SLC24A2: variants seen among roughly 807,000 people sequenced by gnomAD.
SLC24A2 encodes the protein solute carrier family 24 member 2, also known as sodium/potassium/calcium exchanger 2.
SLC24A2 carries 36 observed loss-of-function variants against 62.0 expected under a neutral mutation model. The ratio of observed to expected loss-of-function variants is 0.58; its 90% CI spans 0.44 to 0.77. The LOEUF (loss-of-function observed/expected upper bound fraction) is 0.77, where lower values mean the gene tolerates loss of function less well. Ranked by LOEUF, SLC24A2 falls within the 30% of genes least tolerant of loss-of-function variation. The pLI is 0.00. For synonymous variants in SLC24A2, 358 were observed against 294.0 expected, an observed-to-expected ratio of 1.22 and a Z score of -2.23; for missense variants, 846 against 817.9, an observed-to-expected ratio of 1.03 and a Z score of -0.42.
At chr9:19,546,262 C>A (rs112543906) in intron 8 of SLC24A2, among the ~76,000 whole-genome samples, 1 of 152,194 alleles carries the variant, frequency 6.6e-6, no homozygotes, top group African/African-American at 2.4e-5. Context: ...TAGGCAGGGA[C>A]GTTTAAGTCT....
chr9:20,164,918 G>C, the SLC24A2 span, among the ~76,000 whole-genome samples: 2 of 147,384 alleles, frequency 1.4e-5, no homozygotes, highest in African/African-American at 5.0e-5. Flanking sequence ...CTCACTCATA[G>C]GTGGGAATTG....
At chr9:20,150,917 A>G in the SLC24A2 span, among the ~76,000 whole-genome samples, 1 of 151,918 alleles carries the variant, frequency 6.6e-6, no homozygotes, top group Admixed American at 6.6e-5. Flanking sequence ...TATTCCATTG[A>G]CATTTTTATA....
chr9:19,704,951 T>A (rs976101330), intron 2 of SLC24A2, among the ~76,000 whole-genome samples: 29 of 152,206 alleles, frequency 1.9e-4, no homozygotes, highest in African/African-American at 7.0e-4. Context: ...TGGTTGGGAA[T>A]ATTCCAGCAA....
the SLC24A2 span, among the ~76,000 whole-genome samples, chr9:19,816,600 G>A: frequency 6.6e-6 from 1 of 152,068 alleles, no homozygotes; most frequent in Non-Finnish European, 1.5e-5. Flanking sequence ...TCATAGTTCT[G>A]CAGGCTATAT....
the SLC24A2 span, among the ~76,000 whole-genome samples, chr9:20,254,587 G>T: frequency 6.6e-6 from 1 of 152,142 alleles, no homozygotes; most frequent in Non-Finnish European, 1.5e-5. Flanking sequence ...GTGGTGAAGG[G>T]AGGAGAAGGG....
the SLC24A2 span, among the ~76,000 whole-genome samples, chr9:20,123,044 G>A: frequency 6.6e-6 from 1 of 152,052 alleles, no homozygotes; most frequent in East Asian, 1.9e-4. Context: ...TAGACTAGGT[G>A]GCTTATAATA....
chr9:19,790,699 T>C (rs1823307613), upstream of SLC24A2, among the ~76,000 whole-genome samples: 1 of 152,218 alleles, frequency 6.6e-6, no homozygotes, highest in Non-Finnish European at 1.5e-5. Context: ...AAAACAATTG[T>C]GCATTTATTT....
At chr9:19,906,804 T>A in the SLC24A2 span, among the ~76,000 whole-genome samples, 1 of 152,080 alleles carries the variant, frequency 6.6e-6, no homozygotes, top group Non-Finnish European at 1.5e-5. Flanking sequence ...AATAGACCAA[T>A]AACAGGCTCT....
the SLC24A2 span, among the ~76,000 whole-genome samples, chr9:19,821,001 A>T: frequency 6.6e-6 from 1 of 152,160 alleles, no homozygotes; most frequent in Non-Finnish European, 1.5e-5. Context: ...TTGAAAAAAT[A>T]CTTTTATTTC....
intron 2 of SLC24A2, among the ~76,000 whole-genome samples, chr9:19,624,443 T>C (rs1012843639): frequency 1.3e-5 from 2 of 151,818 alleles, no homozygotes; most frequent in African/African-American, 4.8e-5. Context: ...GAAAAAAAAA[T>C]CCAAACCTGT....
chr9:20,056,059 T>C, the SLC24A2 span, among the ~76,000 whole-genome samples: 28 of 152,316 alleles, frequency 1.8e-4, no homozygotes, highest in African/African-American at 6.5e-4. Context: ...CCTAACATGT[T>C]CTAGAAGACA....
Position 19,513,164 on chromosome 9 carries a change from ATATATATATATG to A in SLC24A2, c.*2977_*2988del, listed in dbSNP as rs1407676677. 7.4e-3 allele frequency: 447 copies of A among 60,680 alleles called. 8 individuals are homozygous for A. Among genetic ancestry groups the A allele is most frequent in the African/African-American group, 0.023 (380 of 16,268 alleles). The allele number at this position is 60,680 out of a possible 1,614,324, so 3.8% of individuals were successfully genotyped here. A position where few individuals can be genotyped will look rare whatever the true frequency, so the allele number is the denominator to read the frequency against. On this transcript the variant is annotated 3_prime_UTR_variant, in exon 11 of 11. Transcript: ENST00000341998. ...AGATCTGGTATAAAGATATATATAT[ATATATATATATG>A]TATATATATATATATGTATATATTT...
At chr9:19,517,025 G>C (rs760430508) in intron 10 of SLC24A2, among the ~76,000 whole-genome samples, 1 of 152,196 alleles carries the variant, frequency 6.6e-6, no homozygotes, top group Non-Finnish European at 1.5e-5. Context: ...CATTTGTGAT[G>C]TGTGTGTTTT....
the SLC24A2 span, among the ~76,000 whole-genome samples, chr9:20,017,610 G>T: frequency 6.6e-6 from 1 of 152,134 alleles, no homozygotes; most frequent in African/African-American, 2.4e-5. Context: ...GGAAGCCAGT[G>T]CGAGCCCCAA....
chr9:19,736,739 C>T (rs1821522208), intron 2 of SLC24A2, among the ~76,000 whole-genome samples: 1 of 152,112 alleles, frequency 6.6e-6, no homozygotes, highest in Non-Finnish European at 1.5e-5. Context: ...GTAATCTTAG[C>T]TACTCAGCAG....
chr9:19,849,746 A>G, the SLC24A2 span, among the ~76,000 whole-genome samples: 1 of 152,190 alleles, frequency 6.6e-6, no homozygotes, highest in African/African-American at 2.4e-5. Flanking sequence ...TAAGTCTGGA[A>G]TGTTATGACT....
chr9:19,608,293 A>C (rs1190880373), intron 4 of SLC24A2, among the ~76,000 whole-genome samples: 1 of 152,104 alleles, frequency 6.6e-6, no homozygotes, highest in Non-Finnish European at 1.5e-5. Context: ...ACCAAACAAA[A>C]ATTTATGAAA....
At chr9:19,635,163 C>CA (rs1204112753) in intron 2 of SLC24A2, among the ~76,000 whole-genome samples, 1 of 152,130 alleles carries the variant, frequency 6.6e-6, no homozygotes, top group African/African-American at 2.4e-5. Flanking sequence ...CAAATGAAGC[C>CA]AGGAGGTACT....
chr9:20,087,318 A>G, the SLC24A2 span, among the ~76,000 whole-genome samples: 3 of 152,352 alleles, frequency 2.0e-5, no homozygotes, highest in African/African-American at 4.8e-5. Context: ...AGCTAAAACA[A>G]GAATGGAATG....
Sources: allele counts gnomAD v4.1 joint callset (sites outside exome capture counted in the v4.1 genomes callset), GRCh38; gene constraint gnomAD v4.1.1; transcripts MANE v1.5; gene names NCBI Gene and HGNC (gene_info 2026-07-23, HGNC 2026-07-21).